The following NFIB variants were observed in gnomAD, a reference collection of about 807,000 sequenced individuals.
NFIB encodes the protein nuclear factor I B.
In NFIB, 11 loss-of-function variants were observed where a neutral mutation model predicts 61.5. The observed-to-expected ratio is 0.18, with a 90% confidence interval of 0.11 to 0.30. The LOEUF (loss-of-function observed/expected upper bound fraction) is 0.30. Ranked by LOEUF, NFIB falls within the 10% of genes least tolerant of loss-of-function variation. The probability of loss-of-function intolerance (pLI) is 1.00; values close to 1 mark genes in which losing one functional copy is unlikely to be tolerated. For missense variants in NFIB, 471 were observed against 608.9 expected (o/e 0.77, Z 2.38); for synonymous variants, 260 against 216.5 (o/e 1.20, Z -1.76).
intron 1 of NFIB, among the ~76,000 whole-genome samples, chr9:14,381,023 G>A (rs555520740): frequency 1.6e-4 from 21 of 132,312 alleles, no homozygotes; most frequent in African/African-American, 4.8e-4. Context: ...GCAGTGAGCC[G>A]AGATCGCGCC....
intron 10 of NFIB, among the ~76,000 whole-genome samples, chr9:14,088,766 T>C (rs1257433963): frequency 3.3e-5 from 5 of 152,160 alleles, no homozygotes; most frequent in Admixed American, 2.6e-4. Context: ...AATTCAGTGG[T>C]CAGATGGGTT....
chr9:14,418,911 T>A, the NFIB span, among the ~76,000 whole-genome samples: 2 of 152,148 alleles, frequency 1.3e-5, no homozygotes, highest in Non-Finnish European at 2.9e-5. Flanking sequence ...TTAGGTTGAT[T>A]TATAGTCATT....
intron 9 of NFIB, 47 bp downstream of exon 9, chr9:14,116,161 T>C: frequency 7.0e-7 from 1 of 1,437,480 alleles, no homozygotes. Context: ...ACATTTCTCA[T>C]TTCCTATGGA....
Position 14,088,188 on chromosome 9 carries a change from C to G in NFIB, c.*121G>C. ...AATTTCTTAAACTATTGTTGTGTTT[C>G]TTTTTCCCTCAGTTGCTTGTTTCTG... On this transcript the variant is annotated 3_prime_UTR_variant, in exon 11 of 11. Transcript: ENST00000380953. The G allele has an allele frequency of 6.7e-7, 1 of 1,487,864 alleles. No homozygotes were observed. Among genetic ancestry groups the G allele is most frequent in the Non-Finnish European group, 9.0e-7 (1 of 1,111,584 alleles). 92.2% of individuals were successfully genotyped at this position (1,487,864 alleles called of 1,614,324 possible).
rs1328029016 is a variant in NFIB, at chr9:14,328,279, C to T, written c.109-20759G>A. 2.0e-5 allele frequency among the ~76,000 whole-genome samples: 3 copies of T among 152,078 alleles called. No homozygotes were observed. The East Asian group carries it at 5.8e-4, about 29-fold the overall frequency. ...CCACCTCAGCCTCCTGAGTAGCTGC[C>T]ACCACAGGTGTGCACCACCATGCCT... On this transcript the variant is annotated intron_variant, in intron 1 of 8. Transcript: ENST00000380934.
chr9:14,392,323 G>A (rs2133035195), intron 1 of NFIB, among the ~76,000 whole-genome samples: 1 of 152,330 alleles, frequency 6.6e-6, no homozygotes, highest in Non-Finnish European at 1.5e-5. Flanking sequence ...GTGACAAAAT[G>A]TACCATACTA....
intron 2 of NFIB, among the ~76,000 whole-genome samples, chr9:14,260,653 G>T (rs184132766): frequency 1.1e-3 from 160 of 152,314 alleles, no homozygotes; most frequent in Middle Eastern, 3.4e-3. Context: ...AGGTGTGCCA[G>T]TCGAGCATAT....
At chr9:14,322,793 G>C (rs2060694732) in intron 1 of NFIB, among the ~76,000 whole-genome samples, 1 of 152,000 alleles carries the variant, frequency 6.6e-6, no homozygotes, top group East Asian at 2.0e-4. Context: ...GTGGGTGGGT[G>C]CGTGGGTAGC....
At chr9:14,196,531 C>T (rs1449549255) in intron 2 of NFIB, among the ~76,000 whole-genome samples, 1 of 152,118 alleles carries the variant, frequency 6.6e-6, no homozygotes, top group Non-Finnish European at 1.5e-5. Flanking sequence ...AAAAGCGCTA[C>T]ACCAAAATAT....
chr9:14,378,521 T>C (rs1306392832), intron 1 of NFIB, among the ~76,000 whole-genome samples: 2 of 152,104 alleles, frequency 1.3e-5, no homozygotes, highest in East Asian at 1.9e-4. Context: ...CACGCCCAGC[T>C]AGTTTTTGTA....
the NFIB span, among the ~76,000 whole-genome samples, chr9:14,446,837 T>C: frequency 6.6e-6 from 1 of 152,182 alleles, no homozygotes; most frequent in Admixed American, 6.5e-5. Context: ...AATCATCATT[T>C]TAACAATCTT....
At chr9:14,229,025 A>AG (rs1156285216) in intron 2 of NFIB, among the ~76,000 whole-genome samples, 1 of 149,946 alleles carries the variant, frequency 6.7e-6, no homozygotes, top group Non-Finnish European at 1.5e-5. Flanking sequence ...GCAGGTTTAC[A>AG]GGGAAAAAAA....
the NFIB span, among the ~76,000 whole-genome samples, chr9:14,486,277 G>A: frequency 6.6e-6 from 1 of 152,122 alleles, no homozygotes; most frequent in African/African-American, 2.4e-5. Context: ...AGATTCTAGG[G>A]CAGAACCCTC....
the NFIB span, among the ~76,000 whole-genome samples, chr9:14,515,753 G>A: frequency 6.6e-6 from 1 of 152,200 alleles, no homozygotes; most frequent in African/African-American, 2.4e-5. Context: ...GACTCAGTGG[G>A]TTGGGGGTGG....
the NFIB span, among the ~76,000 whole-genome samples, chr9:14,425,217 A>T: frequency 6.6e-6 from 1 of 152,212 alleles, no homozygotes; most frequent in African/African-American, 2.4e-5. Context: ...TTGAGGCCAG[A>T]TAGGTCTAGT....
chr9:14,502,985 T>A, the NFIB span, among the ~76,000 whole-genome samples: 1 of 152,106 alleles, frequency 6.6e-6, no homozygotes, highest in East Asian at 1.9e-4. Flanking sequence ...TTTTCAGTTT[T>A]CCATTTCTGA....
chr9:14,113,169 G>A, intron 9 of NFIB, 88 bp from the exon 10 acceptor site: 2 of 1,210,180 alleles, frequency 1.7e-6, no homozygotes, highest in Non-Finnish European at 2.2e-6. Flanking sequence ...CAGAGAAGTG[G>A]GATTTGCAAC....
At chr9:14,291,997 G>A (rs866427970) in intron 2 of NFIB, among the ~76,000 whole-genome samples, 2 of 151,968 alleles carry the variant, frequency 1.3e-5, no homozygotes, top group Admixed American at 6.6e-5. Flanking sequence ...GATTGATTTC[G>A]TTAGAATACT....
chr9:14,109,165 T>C (rs1262016598), intron 10 of NFIB, among the ~76,000 whole-genome samples: 1 of 152,056 alleles, frequency 6.6e-6, no homozygotes, highest in Non-Finnish European at 1.5e-5. Context: ...AAGTAAGTTG[T>C]CTCTTATTAT....
Sources: allele counts gnomAD v4.1 joint callset (sites outside exome capture counted in the v4.1 genomes callset), GRCh38; gene constraint gnomAD v4.1.1; transcripts MANE v1.5; gene names NCBI Gene and HGNC (gene_info 2026-07-23, HGNC 2026-07-21).